Variants in GPR132 observed in about 807,000 individuals in gnomAD.
The protein encoded by GPR132 is probable G protein-coupled receptor 132.
Under a neutral mutation model 1.9 loss-of-function variants are expected in GPR132, and 4 were observed. The observed-to-expected ratio is 2.13, with a 90% CI of 1.05 to 4.87. The LOEUF (loss-of-function observed/expected upper bound fraction) is 4.87. GPR132 is among the 30% of genes most tolerant of loss of function. The pLI is 0.01. For synonymous variants in GPR132, 233 were observed against 234.2 expected, an observed-to-expected ratio of 0.99 and a Z score of 0.05; for missense variants, 404 against 512.5, an observed-to-expected ratio of 0.79 and a Z score of 2.04.
Position 105,050,850 on chromosome 14 carries a change from G to T in GPR132, c.*144C>A. On this transcript the variant is annotated 3_prime_UTR_variant, in exon 4 of 4. Transcript: ENST00000329797. This position sits in a 1 kb window ranked among gnomAD's most constrained non-coding sequence, Gnocchi z 4.0. ...GGGAAAGCCTGGGGCCAGTGGTCAC[G>T]GAGGGAGTGGCTTCAGGAACGAGAA... The T allele has an allele frequency of 1.3e-6, 1 of 755,434 alleles. No homozygotes were observed. The highest frequency in any genetic ancestry group is 2.1e-6 in the Non-Finnish European group (1 of 474,348). The allele number at this position is 755,434 out of a possible 1,614,324, so 46.8% of individuals were successfully genotyped here. A position where few individuals can be genotyped will look rare whatever the true frequency, so the allele number is the denominator to read the frequency against.
chr14:105,057,511 CTTT>C (rs11299805), intron 1 of GPR132: 234 of 88,800 alleles, frequency 2.6e-3, no homozygotes, highest in South Asian at 0.012. Flanking sequence ...ACATACGATT[CTTT>C]TTTTTTTTTT....
At chr14:105,061,682 G>C (rs142962080) in intron 1 of GPR132, among the ~76,000 whole-genome samples, 1 of 152,296 alleles carries the variant, frequency 6.6e-6, no homozygotes, top group Non-Finnish European at 1.5e-5. Context: ...TCAAGTGGAA[G>C]GACAAGGCCA....
intron 1 of GPR132, 114 bp from the exon 2 acceptor site, chr14:105,057,394 G>A (rs778639941): frequency 1.3e-4 from 67 of 521,148 alleles, no homozygotes; most frequent in Middle Eastern, 9.2e-4. Flanking sequence ...CCGTTGATTC[G>A]TAGGTGTTTT....
Position 105,057,197 on chromosome 14 carries a change from G to T in GPR132, c.-777C>A. The T allele has an allele frequency of 1.3e-6, 2 of 1,522,544 alleles. No individual in the cohort carries two copies. Among genetic ancestry groups the T allele is most frequent in the Non-Finnish European group, 1.8e-6 (2 of 1,134,608 alleles). 94.3% of individuals were successfully genotyped at this position (1,522,544 alleles called of 1,614,324 possible). A position where few individuals can be genotyped will look rare whatever the true frequency, so the allele number is the denominator to read the frequency against. On this transcript the variant is annotated 5_prime_UTR_variant, in exon 2 of 4. Coordinates refer to ENST00000329797, the MANE Select transcript of GPR132 (RefSeq NM_013345.4). ...ATATTTTGCGGGTTCCAATCTCAGT[G>T]TGGCTCTAAGATAAGCTTTCTAAGT...
chr14:105,061,801 C>T (rs889034441), intron 1 of GPR132, among the ~76,000 whole-genome samples: 1 of 152,188 alleles, frequency 6.6e-6, no homozygotes, highest in African/African-American at 2.4e-5. Context: ...CTCATCGCCC[C>T]AGCTGTCTGG....
intron 3 of GPR132, chr14:105,054,427 C>CTTTTT: frequency 2.3e-6 from 2 of 862,630 alleles, no homozygotes; most frequent in South Asian, 5.3e-5. Context: ...CTTTTTTTTT[C>CTTTTT]TTTTTTTTTT....
At chr14:105,054,418 TTTTTTTTTC>T (rs1886732253) in intron 3 of GPR132, 1 of 923,840 alleles carries the variant, frequency 1.1e-6, no homozygotes, top group Non-Finnish European at 1.3e-6. Context: ...TGTGTCGCTC[TTTTTTTTTC>T]TTTTTTTTTT....
intron 3 of GPR132, chr14:105,054,110 C>G (rs1886721843): frequency 7.8e-7 from 1 of 1,287,984 alleles, no homozygotes; most frequent in Admixed American, 2.3e-5. Context: ...GGTTACAGAT[C>G]ATGGAGTCCC....
intron 3 of GPR132, among the ~76,000 whole-genome samples, chr14:105,053,703 A>G (rs915615703): frequency 2.6e-5 from 4 of 151,856 alleles, no homozygotes; most frequent in African/African-American, 9.7e-5. Context: ...CAGGAGACTA[A>G]TGACCCCACC....
In GPR132 at chr14:105,051,617, G is replaced by A; in HGVS notation, c.520C>T (p.His174Tyr). The A allele has an allele frequency of 6.2e-7, 1 of 1,614,032 alleles. No individual in the cohort carries two copies. Among genetic ancestry groups the A allele is most frequent in the African/African-American group, 1.3e-5 (1 of 75,072 alleles). ...TCTTCCGTCTGGAACACCGGGTAGT[G>A]AACGATCCCGACGAGGATGAAGATG... ...ACIFILVGIV[H>Y]YPVFQTEDKE... Residue 174 changes from histidine to tyrosine, a missense_variant, in exon 4 of 4, where the codon CAC (histidine) becomes TAC (tyrosine). Physicochemically the swap from His to Tyr is moderately conservative, Grantham distance 83 (BLOSUM62 2). Transcript: ENST00000329797. The surrounding 1 kb of genome is among the most constrained non-coding windows in gnomAD (Gnocchi z 8.0).
chr14:105,056,964 C>A lies in GPR132; in HGVS notation c.-747+203G>T, dbSNP rs2140932417. Among the ~76,000 whole-genome samples the A allele has an allele frequency of 6.6e-6, 1 of 152,372 alleles. No homozygotes were observed. Among genetic ancestry groups the A allele is most frequent in the South Asian group, 2.1e-4 (1 of 4,834 alleles). On this transcript the variant is annotated intron_variant, in intron 2 of 3. Transcript: ENST00000329797. The surrounding 1 kb of genome is among the most constrained non-coding windows in gnomAD (Gnocchi z 6.0). ...ACTATGCCCTCATTCCCGTTCCTGG[C>A]TTCCCAGAACTTCACGAAAGAATTA...
rs1306486914 is a variant in GPR132 at position 105,049,448 on chromosome 14, AGAC to A, written c.*1543_*1545del. On this transcript the variant is annotated 3_prime_UTR_variant, in exon 4 of 4. Coordinates refer to ENST00000329797, the MANE Select transcript of GPR132 (RefSeq NM_013345.4). ...TGATTTTTTTAATACCAAAAAAAAG[AGAC>A]AAGATTTTGCCATGTTGCCGAGGCT... 2 of 152,106 alleles carry A rather than the reference AGAC, an allele frequency of 1.3e-5. No homozygotes were observed. The highest frequency in any genetic ancestry group is 4.8e-5 in the African/African-American group (2 of 41,420). 9.4% of individuals were successfully genotyped at this position (152,106 alleles called of 1,614,324 possible).
chr14:105,062,131 C>T (rs781558879), intron 1 of GPR132, among the ~76,000 whole-genome samples: 1 of 152,238 alleles, frequency 6.6e-6, no homozygotes, highest in Non-Finnish European at 1.5e-5. Context: ...CGGATGACTC[C>T]AGCCACAAGA....
At chr14:105,061,747 G>T (rs186656153) in intron 1 of GPR132, among the ~76,000 whole-genome samples, 13 of 152,140 alleles carry the variant, frequency 8.5e-5, no homozygotes, top group African/African-American at 2.9e-4. Flanking sequence ...CCTCCTGGGG[G>T]GGGGGAGTCC....
intron 1 of GPR132, among the ~76,000 whole-genome samples, chr14:105,061,746 G>GGGGGGAGACCCTCCTGGGT (rs1566737084): frequency 4.0e-4 from 61 of 152,250 alleles, no homozygotes; most frequent in African/African-American, 1.4e-3. Context: ...CCCTCCTGGG[G>GGGGGGAGACCCTCCTGGGT]GGGGGGAGTC....
rs1256995945 is a variant in GPR132, at chr14:105,060,895, C to T, written c.-860-3615G>A. Reference sequence around the variant, plus strand: ...GCACGCTCCCCTCCCGGGCCCCAGCCGCAGGCAGAGGCTCACAGCGAGGCC... The same window carrying T: ...GCACGCTCCCCTCCCGGGCCCCAGCTGCAGGCAGAGGCTCACAGCGAGGCC... On this transcript the variant is annotated intron_variant, in intron 1 of 3. Coordinates refer to ENST00000329797, the MANE Select transcript of GPR132 (RefSeq NM_013345.4). This position sits in a 1 kb window ranked among gnomAD's most constrained non-coding sequence, Gnocchi z 6.3. 1.3e-5 allele frequency among the ~76,000 whole-genome samples: 2 copies of T among 152,244 alleles called. No individual in the cohort carries two copies. Among genetic ancestry groups the T allele is most frequent in the African/African-American group, 4.8e-5 (2 of 41,462 alleles).
intron 3 of GPR132, chr14:105,054,414 GCT>G (rs922074055): frequency 2.3e-5 from 22 of 977,668 alleles, no homozygotes; most frequent in Non-Finnish European, 2.7e-5. Flanking sequence ...CCATTGTGTC[GCT>G]CTTTTTTTTT....
At chr14:105,054,056 CT>C (rs1474082864) in intron 3 of GPR132, 2 of 1,288,376 alleles carry the variant, frequency 1.6e-6, no homozygotes, top group East Asian at 1.1e-4. Context: ...CTCCAGTGTC[CT>C]GGCTGCCCAC....
intron 1 of GPR132, 81 bp from the exon 2 acceptor site, chr14:105,057,361 T>C (rs993806794): frequency 3.5e-6 from 2 of 572,192 alleles, no homozygotes; most frequent in East Asian, 2.9e-5. Context: ...GGCTAGTGAG[T>C]ATTTACTAAT....
Sources: allele counts gnomAD v4.1 joint callset (sites outside exome capture counted in the v4.1 genomes callset), GRCh38; gene constraint gnomAD v4.1.1; non-coding constraint Gnocchi (gnomAD v3.1); transcripts MANE v1.5; gene names NCBI Gene and HGNC (gene_info 2026-07-23, HGNC 2026-07-21).